Variants in CTNNA3 observed in about 807,000 individuals in gnomAD.
The protein encoded by CTNNA3 is catenin alpha 3, also known as catenin alpha-3.
In CTNNA3, 76 loss-of-function variants were observed where a neutral mutation model predicts 95.7. The ratio of observed to expected loss-of-function variants is 0.79; its 90% CI spans 0.66 to 0.96. CTNNA3 has a LOEUF of 0.96. CTNNA3 is among the 40% of genes least tolerant of loss of function. The probability of loss-of-function intolerance (pLI) is 0.00; values close to 1 mark genes in which losing one functional copy is unlikely to be tolerated. For missense variants in CTNNA3, 1,191 were observed against 1,089.8 expected (o/e 1.09, Z -1.31); for synonymous variants, 431 against 374.4 (o/e 1.15, Z -1.74).
In CTNNA3 at chr10:67,219,863, T is replaced by C; in HGVS notation, c.587A>G (p.Lys196Arg). 1 of 1,609,484 alleles carries C rather than the reference T, an allele frequency of 6.2e-7. No homozygotes were observed. The highest frequency in any genetic ancestry group is 8.5e-7 in the Non-Finnish European group (1 of 1,176,836). The change falls in exon 6 of 18, where the codon AAA becomes AGA. Residue 196 changes from lysine to arginine, a missense_variant. Transcript: ENST00000433211. ...AATTTCATCTCTCTGATTTGGAGAT[T>C]TTAAGTCCTGAGAAGGTAAATAAAA... Reference protein sequence around the residue: ...YLAFKRQQDLKSPNQRDEIAG... With the variant: ...YLAFKRQQDLRSPNQRDEIAG...
chr10:66,383,212 A>T (rs1367163742), intron 11 of CTNNA3, among the ~76,000 whole-genome samples: 1 of 152,174 alleles, frequency 6.6e-6, no homozygotes, highest in Non-Finnish European at 1.5e-5. Context: ...AGATTAGATG[A>T]ATGGCTAACT....
intron 11 of CTNNA3, among the ~76,000 whole-genome samples, chr10:66,475,595 A>C (rs1018314842): frequency 2.0e-5 from 3 of 152,108 alleles, no homozygotes; most frequent in Admixed American, 2.0e-4. Flanking sequence ...TCATGTGGCC[A>C]AAAAACATAT....
intron 7 of CTNNA3, among the ~76,000 whole-genome samples, chr10:67,029,661 T>C (rs1240633659): frequency 6.6e-6 from 1 of 152,198 alleles, no homozygotes; most frequent in African/African-American, 2.4e-5. Flanking sequence ...TAAATTTTAA[T>C]TTTCCCAAAA....
intron 15 of CTNNA3, among the ~76,000 whole-genome samples, chr10:66,017,472 A>T (rs902043165): frequency 6.6e-6 from 1 of 152,118 alleles, no homozygotes; most frequent in South Asian, 2.1e-4. Flanking sequence ...TTCTTTATTT[A>T]TATCACAATC....
intron 7 of CTNNA3, among the ~76,000 whole-genome samples, chr10:67,001,325 G>GAA: frequency 6.7e-6 from 1 of 149,552 alleles, no homozygotes; most frequent in Non-Finnish European, 1.5e-5. Flanking sequence ...AAAAAAAAGA[G>GAA]AAAAAAATTA....
At chr10:67,030,485 A>G (rs965544666) in intron 7 of CTNNA3, among the ~76,000 whole-genome samples, 12 of 152,122 alleles carry the variant, frequency 7.9e-5, no homozygotes, top group African/African-American at 2.9e-4. Context: ...ATATATTCAC[A>G]CCCACACAAA....
At chr10:66,403,022 T>C (rs1164629163) in intron 11 of CTNNA3, among the ~76,000 whole-genome samples, 3 of 152,180 alleles carry the variant, frequency 2.0e-5, no homozygotes, top group African/African-American at 4.8e-5. Flanking sequence ...CCTTAACCAA[T>C]TGCAAATCAG....
intron 10 of CTNNA3, among the ~76,000 whole-genome samples, chr10:66,582,999 T>C (rs1417957377): frequency 1.3e-5 from 2 of 151,844 alleles, no homozygotes; most frequent in Non-Finnish European, 2.9e-5. Context: ...CATGTGAATA[T>C]AGTGGATTAT....
At chr10:66,720,793 A>T (rs1240620094) in intron 9 of CTNNA3, among the ~76,000 whole-genome samples, 1 of 152,136 alleles carries the variant, frequency 6.6e-6, no homozygotes, top group Non-Finnish European at 1.5e-5. Flanking sequence ...AGATCGCGCC[A>T]CTGCACTCCA....
intron 16 of CTNNA3, among the ~76,000 whole-genome samples, chr10:65,978,585 G>T (rs545477768): frequency 6.6e-6 from 1 of 151,920 alleles, no homozygotes; most frequent in Non-Finnish European, 1.5e-5. Context: ...CTAACATCCA[G>T]CTCTGTCATC....
chr10:66,364,271 A>G (rs4746571), intron 12 of CTNNA3, among the ~76,000 whole-genome samples: 54,689 of 151,476 alleles, frequency 0.36, 11,304 homozygotes, highest in Non-Finnish European at 0.47. Context: ...GTCCAGGTGC[A>G]CTGACTCATG....
At chr10:66,469,565 A>C (rs562909592) in intron 11 of CTNNA3, among the ~76,000 whole-genome samples, 42 of 152,040 alleles carry the variant, frequency 2.8e-4, no homozygotes, top group African/African-American at 1.0e-3. Flanking sequence ...TATTAAGCAG[A>C]GGGTGCAAGG....
chr10:67,598,508 A>T (rs1200459858), intron 3 of CTNNA3, among the ~76,000 whole-genome samples: 2 of 151,982 alleles, frequency 1.3e-5, no homozygotes, highest in Non-Finnish European at 2.9e-5. Flanking sequence ...AGTACTGTTC[A>T]GAATGTGCTG....
At chr10:66,015,985 G>A (rs1029924464) in intron 15 of CTNNA3, among the ~76,000 whole-genome samples, 4 of 152,014 alleles carry the variant, frequency 2.6e-5, no homozygotes, top group Admixed American at 1.3e-4. Flanking sequence ...CTCAGATCAC[G>A]GGAATTTAAT....
At chr10:67,475,681 C>A (rs1410157728) in intron 5 of CTNNA3, among the ~76,000 whole-genome samples, 2 of 152,136 alleles carry the variant, frequency 1.3e-5, no homozygotes, top group Non-Finnish European at 1.5e-5. Context: ...TTATCTGAAA[C>A]TCTTAATTTC....
intron 1 of CTNNA3, among the ~76,000 whole-genome samples, chr10:67,751,490 A>C (rs1841406965): frequency 6.6e-6 from 1 of 152,190 alleles, no homozygotes. Flanking sequence ...TCTGTCAAGC[A>C]CCAGAAACTC....
At chr10:67,708,055 G>A (rs1841087478) in intron 1 of CTNNA3, among the ~76,000 whole-genome samples, 1 of 152,110 alleles carries the variant, frequency 6.6e-6, no homozygotes, top group Non-Finnish European at 1.5e-5. Context: ...AATGTTTTCA[G>A]TCTCATTTTA....
chr10:66,383,198 A>G (rs1283344500), intron 11 of CTNNA3, among the ~76,000 whole-genome samples: 1 of 152,150 alleles, frequency 6.6e-6, no homozygotes, highest in Non-Finnish European at 1.5e-5. Context: ...AAAACCTTGA[A>G]AAAAGATTAG....
intron 12 of CTNNA3, among the ~76,000 whole-genome samples, chr10:66,321,722 C>T (rs2092188980): frequency 6.6e-6 from 1 of 151,904 alleles, no homozygotes; most frequent in Admixed American, 6.6e-5. Context: ...TTTCTATTGC[C>T]AAAATACTGT....
Sources: gnomAD v4.1 joint callset for allele counts (sites outside exome capture counted in the v4.1 genomes callset) on GRCh38, gnomAD v4.1.1 for gene constraint, MANE v1.5 for transcripts, NCBI Gene and HGNC (gene_info 2026-07-23, HGNC 2026-07-21) for gene names.